AADAC: variants seen among roughly 807,000 people sequenced by gnomAD.
AADAC encodes the protein arylacetamide deacetylase (esterase).
A neutral mutation model predicts 22.7 loss-of-function variants in AADAC; 17 were observed. That is an observed-to-expected ratio of 0.75 (90% CI 0.51 to 1.12). The LOEUF is 1.12. Among genes scored for constraint, AADAC ranks in the 50% most tolerant of loss-of-function variants. The pLI, the probability that AADAC is intolerant of heterozygous loss-of-function variation, is 0.00. For synonymous variants in AADAC, 167 were observed against 176.3 expected (o/e 0.95, Z 0.42); for missense variants, 465 against 473.9 (o/e 0.98, Z 0.17).
chr3:151,824,745 G>T lies in AADAC; in HGVS notation c.514G>T (p.Val172Phe), dbSNP rs35084477. ...CTTAAGGTGGTTCTTACGTAAAAAAGTTCTTGCAAAATATGGTGTGAACCC... is the reference window on the plus strand; with the variant it reads ...CTTAAGGTGGTTCTTACGTAAAAAATTTCTTGCAAAATATGGTGTGAACCC... Reference protein sequence around the residue: ...NALRWFLRKKVLAKYGVNPER... With the variant: ...NALRWFLRKKFLAKYGVNPER... Residue 172 changes from valine to phenylalanine, a missense_variant, in exon 4 of 5, where the codon GTT (valine) becomes TTT (phenylalanine). Coordinates refer to ENST00000232892, the MANE Select transcript of AADAC (RefSeq NM_001086.3). 5.0e-6 allele frequency: 8 copies of T among 1,608,848 alleles called. No homozygotes were observed. Among genetic ancestry groups the T allele is most frequent in the Admixed American group, 3.4e-5 (2 of 59,112 alleles).
chr3:151,817,340 A>G, intron 1 of AADAC, 26 bp from the exon 2 acceptor site: 1 of 1,587,776 alleles, frequency 6.3e-7, no homozygotes, highest in Non-Finnish European at 8.6e-7. Context: ...CTTGAATTTC[A>G]GGAGGTTTGT....
Position 151,828,234 on chromosome 3 carries a change from T to A in AADAC, c.*62T>A. The A allele has an allele frequency of 8.9e-7, 1 of 1,119,652 alleles. No homozygotes were observed. Among genetic ancestry groups the A allele is most frequent in the Non-Finnish European group, 1.2e-6 (1 of 823,410 alleles). 69.4% of individuals were successfully genotyped at this position (1,119,652 alleles called of 1,614,324 possible). On this transcript the variant is annotated 3_prime_UTR_variant, in exon 5 of 5. Coordinates refer to ENST00000232892, the MANE Select transcript of AADAC (RefSeq NM_001086.3). ...TCTGAAAACCTCAGAAAATTTGCAT[T>A]AGAAATTGGTCTTTCTTAGAATGGT...
intron 4 of AADAC, 57 bp from the exon 5 acceptor site, chr3:151,827,519 A>G: frequency 1.0e-6 from 1 of 972,736 alleles, no homozygotes; most frequent in Non-Finnish European, 1.5e-6. Flanking sequence ...TAATCTTATT[A>G]GGGATATTTT....
At chr3:151,822,716 G>A (rs1716301729) in intron 3 of AADAC, among the ~76,000 whole-genome samples, 1 of 151,972 alleles carries the variant, frequency 6.6e-6, no homozygotes, top group Non-Finnish European at 1.5e-5. Flanking sequence ...ATTAATGGTT[G>A]CCTATGATTG....
At position 151,827,648 on chromosome 3, in the gene AADAC, G is replaced by C. The variant is rs1716556381; in HGVS notation, c.676G>C (p.Asp226His). The C allele has an allele frequency of 1.2e-6, 2 of 1,611,660 alleles. No individual in the cohort carries two copies. Among genetic ancestry groups the C allele is most frequent in the African/African-American group, 2.7e-5 (2 of 74,790 alleles). The change falls in exon 5 of 5, where the codon GAT (aspartate) becomes CAT (histidine). Residue 226 changes from aspartate to histidine, a missense_variant. Asp to His is a moderately conservative substitution (Grantham distance 81, BLOSUM62 -1). Coordinates refer to ENST00000232892, the MANE Select transcript of AADAC (RefSeq NM_001086.3). ...SLIYPALQPL[D>H]VDLPSYQENS... ...AATTTATCCTGCCCTTCAGCCTCTT[G>C]ATGTAGATTTACCGTCATATCAAGA... is the stretch of plus-strand genomic sequence containing the variant.
At chr3:151,822,106 CA>C (rs1405777265) in intron 3 of AADAC, among the ~76,000 whole-genome samples, 1 of 151,680 alleles carries the variant, frequency 6.6e-6, no homozygotes, top group Non-Finnish European at 1.5e-5. Flanking sequence ...TAGAGAAATG[CA>C]AATCAAAACC....
Position 151,817,481 on chromosome 3 carries a change from A to T in AADAC, c.254A>T (p.Lys85Ile). Reference sequence around the variant, plus strand: ...GAAAATGTCACTGTGACTGAGACAAAATTCAACAACATTCTTGTTCGGGTA... The same window carrying T: ...GAAAATGTCACTGTGACTGAGACAATATTCAACAACATTCTTGTTCGGGTA... ...SDENVTVTETKFNNILVRVYV... is the reference protein window; with the variant it reads ...SDENVTVTETIFNNILVRVYV... The change falls in exon 2 of 5, where the codon AAA becomes ATA. Residue 85 changes from lysine (K) to isoleucine (I), a missense_variant. Physicochemically the swap from Lys to Ile is moderately radical, Grantham distance 102 (BLOSUM62 -3). Transcript: ENST00000232892. 1.2e-6 allele frequency: 2 copies of T among 1,613,802 alleles called. No individual in the cohort carries two copies. Among genetic ancestry groups the T allele is most frequent in the Non-Finnish European group, 1.7e-6 (2 of 1,179,752 alleles).
At chr3:151,821,715 A>C (rs1236687689) in intron 3 of AADAC, among the ~76,000 whole-genome samples, 1 of 152,114 alleles carries the variant, frequency 6.6e-6, no homozygotes, top group African/African-American at 2.4e-5. Context: ...TAAGACCGAC[A>C]TCTGTGTTTA....
intron 4 of AADAC, among the ~76,000 whole-genome samples, chr3:151,826,392 G>C (rs1351281601): frequency 6.6e-6 from 1 of 151,830 alleles, no homozygotes; most frequent in East Asian, 1.9e-4. Flanking sequence ...CAACTTTAAA[G>C]AGTTGTTTGA....
chr3:151,827,663 T>C lies in AADAC; in HGVS notation c.691T>C (p.Ser231Pro). 1 of 1,612,408 alleles carries C rather than the reference T, an allele frequency of 6.2e-7. No homozygotes were observed. Among genetic ancestry groups the C allele is most frequent in the South Asian group, 1.1e-5 (1 of 91,006 alleles). Reference protein sequence around the residue: ...ALQPLDVDLPSYQENSNFLFL... With the variant: ...ALQPLDVDLPPYQENSNFLFL... ...TCAGCCTCTTGATGTAGATTTACCG[T>C]CATATCAAGAAAATTCAAATTTTCT... Residue 231 changes from serine to proline, a missense_variant, in exon 5 of 5, where the codon TCA (serine) becomes CCA (proline). Coordinates refer to ENST00000232892, the MANE Select transcript of AADAC (RefSeq NM_001086.3).
chr3:151,827,501 C>T (rs1716548279), intron 4 of AADAC, 75 bp from the exon 5 acceptor site: 1 of 913,342 alleles, frequency 1.1e-6, no homozygotes, highest in Non-Finnish European at 1.7e-6. Context: ...GATAGATAGA[C>T]AGATAGATAA....
At position 151,814,309 on chromosome 3, in the gene AADAC, G is replaced by A; in HGVS notation, c.138+9G>A. ...AAACTATACAAAATTTGGTAAGTTT[G>A]GAATTTTATGAATTCAGATGTGCAT... On this transcript the variant is annotated intron_variant, in intron 1 of 4. Transcript: ENST00000232892. 6.2e-7 allele frequency: 1 copy of A among 1,607,904 alleles called. No homozygotes were observed. The highest frequency in any genetic ancestry group is 8.5e-7 in the Non-Finnish European group (1 of 1,177,010).
At chr3:151,818,318 G>A (rs1308351801) in intron 2 of AADAC, among the ~76,000 whole-genome samples, 1 of 151,646 alleles carries the variant, frequency 6.6e-6, no homozygotes, top group Non-Finnish European at 1.5e-5. Flanking sequence ...ATCTTTGATC[G>A]ATAAATAAGT....
chr3:151,825,184 A>G (rs1310242022), intron 4 of AADAC, among the ~76,000 whole-genome samples: 6 of 151,254 alleles, frequency 4.0e-5, no homozygotes, highest in Non-Finnish European at 8.9e-5. Context: ...GCAGCTTGGG[A>G]AACACAGTGA....
In AADAC at chr3:151,820,417, A is replaced by G; in HGVS notation, c.396A>G (p.Thr132=). 1.3e-6 allele frequency: 2 copies of G among 1,590,344 alleles called. No homozygotes were observed. The highest frequency in any genetic ancestry group is 2.3e-5 in the East Asian group (1 of 44,116). ...GTTATGACTTGCTGTCAAGATGGAC[A>G]GCAGACAGACTTGATGCTGTCGTCG... is the stretch of plus-strand genomic sequence containing the variant. ...LSGYDLLSRW[T]ADRLDAVVVS... The change falls in exon 3 of 5, where the codon ACA becomes ACG. Residue 132 remains threonine, a synonymous_variant. Transcript: ENST00000232892.
intron 2 of AADAC, among the ~76,000 whole-genome samples, chr3:151,818,497 C>T (rs1178027927): frequency 6.6e-6 from 1 of 151,952 alleles, no homozygotes; most frequent in Non-Finnish European, 1.5e-5. Context: ...ACCAGCGCTG[C>T]CTCCTGGTCG....
chr3:151,823,419 C>T (rs1369353849), intron 3 of AADAC, among the ~76,000 whole-genome samples: 1 of 151,376 alleles, frequency 6.6e-6, no homozygotes, highest in Non-Finnish European at 1.5e-5. Flanking sequence ...TTTTCAAATC[C>T]AAAATATAAA....
At chr3:151,822,011 A>G (rs549319841) in intron 3 of AADAC, among the ~76,000 whole-genome samples, 3 of 152,080 alleles carry the variant, frequency 2.0e-5, no homozygotes, top group Non-Finnish European at 2.9e-5. Context: ...GAAGAACTCC[A>G]ATATTAAAAG....
rs1244653569 is a variant in AADAC at position 151,828,213 on chromosome 3, A to G, written c.*41A>G. On this transcript the variant is annotated 3_prime_UTR_variant, in exon 5 of 5. Transcript: ENST00000232892. ...TAACATATTTTAAAAATAAAATCTG[A>G]AAACCTCAGAAAATTTGCATTAGAA... 7.9e-7 allele frequency: 1 copy of G among 1,273,698 alleles called. No homozygotes were observed. Among genetic ancestry groups the G allele is most frequent in the Non-Finnish European group, 1.0e-6 (1 of 956,446 alleles). The allele number at this position is 1,273,698 out of a possible 1,614,324, so 78.9% of individuals were successfully genotyped here.
Sources: allele counts gnomAD v4.1 joint callset (sites outside exome capture counted in the v4.1 genomes callset), GRCh38; gene constraint gnomAD v4.1.1; transcripts MANE v1.5; gene names NCBI Gene and HGNC (gene_info 2026-07-23, HGNC 2026-07-21).